The following CCDC141 variants were observed in gnomAD, a reference collection of about 807,000 sequenced individuals.
CCDC141 encodes coiled-coil domain-containing protein 141.
Under a neutral mutation model 181.0 loss-of-function variants are expected in CCDC141, and 168 were observed. The observed-to-expected ratio is 0.93, with a 90% CI of 0.82 to 1.05. The LOEUF (loss-of-function observed/expected upper bound fraction) is 1.05. Among genes scored for constraint, CCDC141 ranks in the 50% least tolerant of loss-of-function variants. CCDC141 has a pLI of 0.00. For synonymous variants in CCDC141, 666 were observed against 642.3 expected (o/e 1.04, Z -0.56); for missense variants, 1,902 against 1,788.5 (o/e 1.06, Z -1.14).
In CCDC141 at chr2:178,856,261, AT is replaced by A; in HGVS notation, c.2860del (p.Met954CysfsTer4). The A allele has an allele frequency of 6.2e-7, 1 of 1,604,456 alleles. No individual in the cohort carries two copies. The highest frequency in any genetic ancestry group is 8.5e-7 in the Non-Finnish European group (1 of 1,175,984). Reference protein sequence around the residue: ...IQQVDMYAEKMQALKRKMEKV... With the variant: ...IQQVDMYAEKXQALKRKMEKV... The stretch of plus-strand genomic sequence containing the variant: ...CAAACCATACTTTCTTGTTACCTGC[AT>A]TTTTTCAGCATACATATCAACTTGC... On this transcript the variant is annotated frameshift_variant, in exon 18 of 24. Coordinates refer to ENST00000443758, the MANE Select transcript of CCDC141 (RefSeq NM_173648.4). LOFTEE classifies it high-confidence loss of function.
intron 2 of CCDC141, among the ~76,000 whole-genome samples, chr2:179,000,629 CT>C (rs1024370279): frequency 3.3e-5 from 5 of 152,222 alleles, no homozygotes; most frequent in African/African-American, 1.2e-4. Flanking sequence ...AATTATTCCC[CT>C]GTTGTTAAAT....
At chr2:178,921,980 C>G (rs1688710586) in intron 6 of CCDC141, among the ~76,000 whole-genome samples, 1 of 152,104 alleles carries the variant, frequency 6.6e-6, no homozygotes, top group African/African-American at 2.4e-5. Context: ...TGGCATTGAT[C>G]AGAACTTTCT....
At chr2:178,949,354 G>C (rs773124717) in intron 5 of CCDC141, among the ~76,000 whole-genome samples, 9 of 152,126 alleles carry the variant, frequency 5.9e-5, no homozygotes, top group Non-Finnish European at 8.8e-5. Context: ...CTATGATAGA[G>C]ATATTTGCCT....
Position 179,015,943 on chromosome 2 carries a change from CATATATATCTCATATATATCAT to C in CCDC141, c.225+31319_225+31340del, listed in dbSNP as rs1389180770. ...ATATATCATATAATTTCATATATAT[CATATATATCTCATATATATCAT>C]ATATATATCTCATATATGTATGATA... On this transcript the variant is annotated intron_variant, in intron 2 of 23. Coordinates refer to ENST00000443758, the MANE Select transcript of CCDC141 (RefSeq NM_173648.4). Among the ~76,000 whole-genome samples, 650 of 137,000 alleles carry C rather than the reference CATATATATCTCATATATATCAT, an allele frequency of 4.7e-3. 10 individuals carry two copies. In the East Asian group the frequency reaches 0.049, roughly 10 times the overall value. The allele number at this position is 137,000 out of a possible 152,430, so 89.9% of individuals were successfully genotyped here. A position where few individuals can be genotyped will look rare whatever the true frequency, so the allele number is the denominator to read the frequency against.
At chr2:179,043,205 A>C (rs1200229722) in intron 2 of CCDC141, among the ~76,000 whole-genome samples, 1 of 152,200 alleles carries the variant, frequency 6.6e-6, no homozygotes, top group African/African-American at 2.4e-5. Flanking sequence ...GCCAATAATG[A>C]GTTCTGAAAT....
intron 8 of CCDC141, among the ~76,000 whole-genome samples, chr2:178,891,418 T>C (rs1207119534): frequency 6.6e-6 from 1 of 152,128 alleles, no homozygotes; most frequent in Non-Finnish European, 1.5e-5. Flanking sequence ...CTCTGCCACC[T>C]CATAGTGCTT....
chr2:178,955,731 A>G (rs1347283535), intron 5 of CCDC141, among the ~76,000 whole-genome samples: 4 of 152,234 alleles, frequency 2.6e-5, no homozygotes, highest in Non-Finnish European at 4.4e-5. Flanking sequence ...AATTTCTAGT[A>G]GCAATCTGCT....
At chr2:178,872,078 G>T in intron 13 of CCDC141, 55 bp downstream of exon 13, 2 of 1,560,904 alleles carry the variant, frequency 1.3e-6, no homozygotes, top group Non-Finnish European at 1.7e-6. Context: ...GTTCGCTCAT[G>T]TTAGCCTGTG....
At chr2:178,815,709 C>T in the CCDC141 span, among the ~76,000 whole-genome samples, 1 of 152,190 alleles carries the variant, frequency 6.6e-6, no homozygotes, top group Non-Finnish European at 1.5e-5. Flanking sequence ...TGCTTTAAAT[C>T]ATCTCTAGAT....
intron 23 of CCDC141, among the ~76,000 whole-genome samples, chr2:178,835,391 A>T (rs1684437204): frequency 6.6e-6 from 1 of 152,216 alleles, no homozygotes; most frequent in Non-Finnish European, 1.5e-5. Context: ...TCCTATGAAC[A>T]TGAGTGCTTA....
At position 178,910,333 on chromosome 2, in the gene CCDC141, GAAC is replaced by G. The variant is rs1269992645; in HGVS notation, c.1093-4835_1093-4833del. Among the ~76,000 whole-genome samples, 7 of 152,116 alleles carry G rather than the reference GAAC, an allele frequency of 4.6e-5. No homozygotes were observed. The East Asian group carries it at 1.3e-3, about 29-fold the overall frequency. On this transcript the variant is annotated intron_variant, in intron 7 of 23. Transcript: ENST00000443758. ...CTTGAAGAGAGTCAACATTAAACAC[GAAC>G]AACAACAGAAAGAAAACAGCAGAAC...
In CCDC141 at chr2:178,853,495, G is replaced by A. The variant is rs546015359; in HGVS notation, c.3190C>T (p.Pro1064Ser). ...QFNKFIAPSV[P>S]QQEERIQEAT... Reference sequence around the variant, plus strand: ...TCCTGAATCCTTTCTTCTTGCTGCGGCACTGAGGGTGCAATAAACTTATTA... The same window carrying A: ...TCCTGAATCCTTTCTTCTTGCTGCGACACTGAGGGTGCAATAAACTTATTA... The change falls in exon 20 of 24, where the codon CCG becomes TCG. Residue 1064 changes from proline to serine, a missense_variant. Physicochemically the swap from Pro to Ser is moderately conservative, Grantham distance 74 (BLOSUM62 -1). Coordinates refer to ENST00000443758, the MANE Select transcript of CCDC141 (RefSeq NM_173648.4). 4 of 1,614,104 alleles carry A rather than the reference G, an allele frequency of 2.5e-6. No homozygotes were observed. In the African/African-American group the frequency reaches 5.3e-5, roughly 22 times the overall value.
intron 3 of CCDC141, among the ~76,000 whole-genome samples, chr2:178,975,818 A>G (rs1280254516): frequency 1.3e-5 from 2 of 152,174 alleles, no homozygotes; most frequent in Admixed American, 6.5e-5. Context: ...ATTAAGGATG[A>G]GTGAGAGGAG....
rs1357663608 is a variant in CCDC141, at chr2:178,986,832, G to A, written c.226-8157C>T. The stretch of plus-strand genomic sequence containing the variant: ...GAAATAAAAGAGGATACAAACAAAT[G>A]GAAGAACATTCCATGCTCATGGGTA... On this transcript the variant is annotated intron_variant, in intron 2 of 23. Coordinates refer to ENST00000443758, the MANE Select transcript of CCDC141 (RefSeq NM_173648.4). Among the ~76,000 whole-genome samples, 11 of 151,310 alleles carry A rather than the reference G, an allele frequency of 7.3e-5. No individual in the cohort carries two copies. In the East Asian group the frequency reaches 1.7e-3, roughly 24 times the overall value.
At chr2:178,879,441 C>A (rs1686495537) in intron 11 of CCDC141, among the ~76,000 whole-genome samples, 1 of 152,132 alleles carries the variant, frequency 6.6e-6, no homozygotes. Flanking sequence ...TTCCATATTC[C>A]ATTTATACAT....
rs367973013 is a variant in CCDC141, at chr2:178,856,244, A to G, written c.2865+13T>C. The G allele has an allele frequency of 6.2e-5, 99 of 1,596,696 alleles. 1 individual carries two copies. The Middle Eastern group carries it at 1.2e-3, about 19-fold the overall frequency. On this transcript the variant is annotated intron_variant, in intron 18 of 23. Transcript: ENST00000443758. ...ACACATGCGCACATATACAAACCAT[A>G]CTTTCTTGTTACCTGCATTTTTTCA... is the stretch of plus-strand genomic sequence containing the variant.
intron 2 of CCDC141, among the ~76,000 whole-genome samples, chr2:178,983,196 C>A (rs1051873074): frequency 6.6e-6 from 1 of 152,182 alleles, no homozygotes; most frequent in South Asian, 2.1e-4. Context: ...CACCCTCCAG[C>A]AGGGGCACAC....
At chr2:178,937,450 C>A (rs982012525) in intron 6 of CCDC141, among the ~76,000 whole-genome samples, 4 of 152,058 alleles carry the variant, frequency 2.6e-5, no homozygotes, top group African/African-American at 9.7e-5. Context: ...CCTACTTGAT[C>A]GTGGTGGAAT....
chr2:179,047,237 T>C, intron 2 of CCDC141, 47 bp downstream of exon 2: 1 of 1,468,984 alleles, frequency 6.8e-7, no homozygotes, highest in Non-Finnish European at 9.0e-7. Context: ...GAAATAGTTT[T>C]TTATGTCTCT....
Sources: gnomAD v4.1 joint callset for allele counts (sites outside exome capture counted in the v4.1 genomes callset) on GRCh38, gnomAD v4.1.1 for gene constraint, MANE v1.5 for transcripts, NCBI Gene and HGNC (gene_info 2026-07-23, HGNC 2026-07-21) for gene names.